The following PRKN variants were observed in gnomAD, a reference collection of about 807,000 sequenced individuals.
PRKN encodes the protein parkin RBR E3 ubiquitin protein ligase, also known as E3 ubiquitin-protein ligase parkin.
In PRKN, 56 loss-of-function variants were observed where a neutral mutation model predicts 59.5. That is an observed-to-expected ratio of 0.94 (90% CI 0.76 to 1.18). The LOEUF (loss-of-function observed/expected upper bound fraction) is 1.18, where lower values mean the gene tolerates loss of function less well. Among genes scored for constraint, PRKN ranks in the 50% most tolerant of loss-of-function variants. The probability of loss-of-function intolerance (pLI) is 0.00; values close to 1 mark genes in which losing one functional copy is unlikely to be tolerated. For missense variants in PRKN, 657 were observed against 596.4 expected (o/e 1.10, Z -1.06); for synonymous variants, 250 against 222.1 (o/e 1.13, Z -1.12).
At chr6:161,490,007 T>C (rs923629617) in intron 9 of PRKN, among the ~76,000 whole-genome samples, 1 of 152,200 alleles carries the variant, frequency 6.6e-6, no homozygotes, top group East Asian at 1.9e-4. Flanking sequence ...GCCCATCTGT[T>C]CCTGCAGTGG....
intron 2 of PRKN, among the ~76,000 whole-genome samples, chr6:162,309,496 C>A (rs1782380063): frequency 1.3e-5 from 2 of 152,134 alleles, no homozygotes; most frequent in African/African-American, 4.8e-5. Flanking sequence ...AATCTGACAT[C>A]CAGGGGGATA....
rs139482137 is a variant in PRKN at position 162,616,370 on chromosome 6, GAATA to G, written c.7+111288_7+111291del. Among the ~76,000 whole-genome samples the G allele has an allele frequency of 8.9e-3, 1,350 of 152,208 alleles. 23 individuals carry two copies. The highest frequency in any genetic ancestry group is 0.031 in the African/African-American group (1,270 of 41,532). On this transcript the variant is annotated intron_variant, in intron 1 of 11. Coordinates refer to ENST00000366898, the MANE Select transcript of PRKN (RefSeq NM_004562.3). ...AATATTAAGTCAATCAATCCTTGCT[GAATA>G]AATAGACTTAGCAATGTGCACAACT...
chr6:162,641,928 C>A (rs566412409), intron 1 of PRKN, among the ~76,000 whole-genome samples: 63 of 152,214 alleles, frequency 4.1e-4, no homozygotes, highest in African/African-American at 1.5e-3. Flanking sequence ...AAGGCAAATA[C>A]AATTTGTTTC....
chr6:161,990,323 T>C (rs927834325), intron 5 of PRKN, among the ~76,000 whole-genome samples: 2 of 152,324 alleles, frequency 1.3e-5, no homozygotes, highest in Non-Finnish European at 2.9e-5. Flanking sequence ...TACACTGCTG[T>C]GCCCAGCTAG....
intron 6 of PRKN, among the ~76,000 whole-genome samples, chr6:161,857,395 CAT>C (rs1364463931): frequency 6.6e-6 from 1 of 152,174 alleles, no homozygotes; most frequent in Non-Finnish European, 1.5e-5. Flanking sequence ...TGGTGGGCTG[CAT>C]TTGGTGCATG....
intron 6 of PRKN, among the ~76,000 whole-genome samples, chr6:161,893,723 G>A (rs1236521701): frequency 6.6e-6 from 1 of 152,130 alleles, no homozygotes; most frequent in African/African-American, 2.4e-5. Context: ...AATATAAGAT[G>A]ATAACAATGA....
chr6:162,177,730 T>G (rs745364502), intron 4 of PRKN, among the ~76,000 whole-genome samples: 2 of 152,256 alleles, frequency 1.3e-5, no homozygotes, highest in Middle Eastern at 3.4e-3. Context: ...GAAGTTTGTC[T>G]GTACATTTAA....
At chr6:162,209,654 A>ATTAG (rs1785108074) in intron 3 of PRKN, among the ~76,000 whole-genome samples, 2 of 152,200 alleles carry the variant, frequency 1.3e-5, no homozygotes, top group Admixed American at 1.3e-4. Context: ...AGACACACGC[A>ATTAG]CATGTTTGCT....
intron 10 of PRKN, among the ~76,000 whole-genome samples, chr6:161,368,750 C>T (rs1785325289): frequency 6.6e-6 from 1 of 151,934 alleles, no homozygotes; most frequent in Admixed American, 6.6e-5. Flanking sequence ...GCCATCGCTG[C>T]TGCCTGGCCG....
intron 6 of PRKN, among the ~76,000 whole-genome samples, chr6:161,885,732 G>A (rs73020576): frequency 0.047 from 7,137 of 151,384 alleles, 218 homozygotes; most frequent in Middle Eastern, 0.07. Context: ...TTAAGTCATT[G>A]GGATATCATA....
At chr6:162,544,416 TTA>T (rs1478839695) in intron 1 of PRKN, among the ~76,000 whole-genome samples, 2 of 152,138 alleles carry the variant, frequency 1.3e-5, no homozygotes, top group East Asian at 3.9e-4. Context: ...AAAGGGATGT[TTA>T]TGTTATTTAA....
rs1177332315 is a variant in PRKN, at chr6:162,393,155, C to CTTTTT, written c.171+50150_171+50154dup. Among the ~76,000 whole-genome samples, 25 of 80,156 alleles carry CTTTTT rather than the reference C, an allele frequency of 3.1e-4. 1 individual carries two copies. The highest frequency in any genetic ancestry group is 1.8e-3 in the East Asian group (3 of 1,682). 52.6% of individuals were successfully genotyped at this position (80,156 alleles called of 152,430 possible). On this transcript the variant is annotated intron_variant, in intron 2 of 11. Coordinates refer to ENST00000366898, the MANE Select transcript of PRKN (RefSeq NM_004562.3). ...TGATACTGGGTGAGGATAGGAGATT[C>CTTTTT]TTTTTTTTTTTTTTTTTTTTTTGAG... is the stretch of plus-strand genomic sequence containing the variant.
rs1786808480 is a variant in PRKN at position 161,397,314 on chromosome 6, T to C, written c.1084-10437A>G. 6.6e-6 allele frequency among the ~76,000 whole-genome samples: 1 copy of C among 152,194 alleles called. No homozygotes were observed. Among genetic ancestry groups the C allele is most frequent in the Non-Finnish European group, 1.5e-5 (1 of 68,032 alleles). On this transcript the variant is annotated intron_variant, in intron 9 of 11. Transcript: ENST00000366898. This position sits in a 1 kb window ranked among gnomAD's most constrained non-coding sequence, Gnocchi z 4.2. ...GCATAAAAGAGCTGAAGGACAATTG[T>C]GTACTCCATGATACAATGCACAATC...
chr6:161,816,826 G>A (rs1480740948), intron 6 of PRKN, among the ~76,000 whole-genome samples: 1 of 152,098 alleles, frequency 6.6e-6, no homozygotes, highest in African/African-American at 2.4e-5. Flanking sequence ...GCATTTGAAA[G>A]CATGCCCTGT....
At chr6:162,252,644 G>A (rs949045964) in intron 3 of PRKN, among the ~76,000 whole-genome samples, 6 of 152,188 alleles carry the variant, frequency 3.9e-5, no homozygotes, top group Non-Finnish European at 5.9e-5. Flanking sequence ...GAGAGGGCAC[G>A]GCTGGAAGGC....
At chr6:162,221,464 C>T (rs1254294347) in intron 3 of PRKN, among the ~76,000 whole-genome samples, 1 of 152,198 alleles carries the variant, frequency 6.6e-6, no homozygotes, top group East Asian at 1.9e-4. Context: ...AGCTATTAAA[C>T]TCTTCAAATA....
intron 2 of PRKN, among the ~76,000 whole-genome samples, chr6:162,338,620 C>G (rs1171294694): frequency 1.3e-5 from 2 of 152,112 alleles, no homozygotes; most frequent in East Asian, 3.9e-4. Context: ...ACCTCCCAGC[C>G]GCCTGCCTTG....
At chr6:162,394,012 T>A (rs1264464104) in intron 2 of PRKN, among the ~76,000 whole-genome samples, 2 of 152,208 alleles carry the variant, frequency 1.3e-5, no homozygotes, top group Non-Finnish European at 1.5e-5. Flanking sequence ...TCTACATTGT[T>A]AGCAAAGCAT....
chr6:162,629,142 A>G (rs1447885894), intron 1 of PRKN, among the ~76,000 whole-genome samples: 1 of 151,852 alleles, frequency 6.6e-6, no homozygotes, highest in Non-Finnish European at 1.5e-5. Flanking sequence ...TGCCTTTCAT[A>G]CATAGATTAA....
Sources: allele counts gnomAD v4.1 joint callset (sites outside exome capture counted in the v4.1 genomes callset), GRCh38; gene constraint gnomAD v4.1.1; non-coding constraint Gnocchi (gnomAD v3.1); transcripts MANE v1.5; gene names NCBI Gene and HGNC (gene_info 2026-07-23, HGNC 2026-07-21).